FGD4: variants seen among roughly 807,000 people sequenced by gnomAD.
The protein encoded by FGD4 is FYVE, RhoGEF and PH domain containing 4.
In FGD4, 42 loss-of-function variants were observed where a neutral mutation model predicts 102.0. The observed-to-expected ratio is 0.41, with a 90% CI of 0.32 to 0.53. FGD4 has a LOEUF of 0.53. FGD4 is among the 20% of genes least tolerant of loss of function. FGD4 has a pLI of 0.21. For synonymous variants in FGD4, 380 were observed against 375.7 expected (o/e 1.01, Z -0.13); for missense variants, 902 against 1,078.2 (o/e 0.84, Z 2.29).
At chr12:32,474,132 GC>G (rs1490014724) in intron 1 of FGD4, among the ~76,000 whole-genome samples, 1 of 151,878 alleles carries the variant, frequency 6.6e-6, no homozygotes. Context: ...AGAAATCAGA[GC>G]CCTGACACAC....
At chr12:32,547,325 A>G (rs1231955524) in intron 1 of FGD4, among the ~76,000 whole-genome samples, 2 of 152,062 alleles carry the variant, frequency 1.3e-5, no homozygotes, top group East Asian at 3.9e-4. Context: ...CTGTAGTCCC[A>G]CCTCCTTGGG....
chr12:32,615,964 C>G (rs545764669), intron 10 of FGD4, among the ~76,000 whole-genome samples: 1 of 152,072 alleles, frequency 6.6e-6, no homozygotes, highest in Non-Finnish European at 1.5e-5. Context: ...GTTACTCTCT[C>G]TAGGAATCGG....
At chr12:32,448,116 T>C (rs1942673409) in intron 1 of FGD4, among the ~76,000 whole-genome samples, 1 of 152,226 alleles carries the variant, frequency 6.6e-6, no homozygotes, top group Non-Finnish European at 1.5e-5. Context: ...ATGTTAACCA[T>C]GGCCTCTTGG....
At chr12:32,440,219 G>C (rs1285693959) in intron 1 of FGD4, among the ~76,000 whole-genome samples, 1 of 152,206 alleles carries the variant, frequency 6.6e-6, no homozygotes, top group Non-Finnish European at 1.5e-5. Context: ...ATGTTCTTCA[G>C]TATCTGGGCA....
chr12:32,612,499 A>G (rs2136785641), intron 10 of FGD4, among the ~76,000 whole-genome samples: 1 of 152,350 alleles, frequency 6.6e-6, no homozygotes, highest in East Asian at 1.9e-4. Context: ...CAACACCCCA[A>G]GGATCCTTTG....
intron 1 of FGD4, among the ~76,000 whole-genome samples, chr12:32,563,855 A>G (rs11052076): frequency 0.12 from 18,137 of 151,974 alleles, 1,192 homozygotes; most frequent in Middle Eastern, 0.19. Flanking sequence ...ACGAAAACCA[A>G]TCAGGCATGG....
intron 10 of FGD4, among the ~76,000 whole-genome samples, chr12:32,617,017 T>C (rs1160191271): frequency 1.3e-5 from 2 of 152,156 alleles, no homozygotes; most frequent in Non-Finnish European, 2.9e-5. Flanking sequence ...ATCCACCTCA[T>C]GGCCTCAAGC....
intron 1 of FGD4, among the ~76,000 whole-genome samples, chr12:32,545,159 G>A (rs1389617439): frequency 6.6e-6 from 1 of 152,188 alleles, no homozygotes; most frequent in East Asian, 1.9e-4. Flanking sequence ...AAATAGGAAA[G>A]CAACTGACAC....
chr12:32,578,062 G>A (rs1247956827), intron 3 of FGD4, among the ~76,000 whole-genome samples: 1 of 152,084 alleles, frequency 6.6e-6, no homozygotes, highest in Non-Finnish European at 1.5e-5. Context: ...AATCATTCAA[G>A]CTTCATAAAT....
chr12:32,560,563 TTAA>T (rs1441565362), intron 1 of FGD4, among the ~76,000 whole-genome samples: 5 of 152,226 alleles, frequency 3.3e-5, no homozygotes, highest in African/African-American at 1.2e-4. Flanking sequence ...TTTTATAATT[TTAA>T]TAATAATCTG....
chr12:32,637,048 CT>C (rs920177828), intron 15 of FGD4, among the ~76,000 whole-genome samples: 68 of 86,372 alleles, frequency 7.9e-4, no homozygotes, highest in East Asian at 5.6e-3. Flanking sequence ...TTTTTTTCTT[CT>C]TTTTTTTTTT....
In FGD4 at chr12:32,526,710, C is replaced by T. The variant is rs1321495496; in HGVS notation, c.167-37427C>T. ...TCTTGCTGCTGCTCACTCTTTGGGT[C>T]CATGCTGCTTTTATGAGCTGTAACA... On this transcript the variant is annotated intron_variant, in intron 1 of 16. Transcript: ENST00000534526. Among the ~76,000 whole-genome samples, 4 of 152,300 alleles carry T rather than the reference C, an allele frequency of 2.6e-5. No homozygotes were observed. In the South Asian group the frequency reaches 8.3e-4, roughly 32 times the overall value.
At chr12:32,522,245 CATT>C (rs1418046455) in intron 1 of FGD4, among the ~76,000 whole-genome samples, 2 of 151,510 alleles carry the variant, frequency 1.3e-5, no homozygotes, top group Admixed American at 6.6e-5. Flanking sequence ...GTAAGATTAT[CATT>C]ATCTGTTGTG....
chr12:32,625,538 G>A, intron 13 of FGD4, 116 bp from the exon 14 acceptor site: 1 of 1,337,546 alleles, frequency 7.5e-7, no homozygotes, highest in African/African-American at 1.5e-5. Flanking sequence ...CGAAAGTGCT[G>A]GGATTATAGT....
chr12:32,412,654 GCT>G (rs1435069520), intron 1 of FGD4, among the ~76,000 whole-genome samples: 1 of 152,082 alleles, frequency 6.6e-6, no homozygotes, highest in Non-Finnish European at 1.5e-5. Context: ...CCATCGCCAG[GCT>G]GGAGTGCATT....
chr12:32,453,235 A>ATTT lies in FGD4; in HGVS notation c.166+53277_166+53278insTTT, dbSNP rs1206930943. On this transcript the variant is annotated intron_variant, in intron 1 of 16. Transcript: ENST00000534526. The stretch of plus-strand genomic sequence containing the variant: ...ATATATATATAATATAGATATATAT[A>ATTT]TATTTTTTTTTTTTTAAATGTAGAG... Among the ~76,000 whole-genome samples the ATTT allele has an allele frequency of 1.4e-3, 70 of 49,772 alleles. 1 individual carries two copies. Among genetic ancestry groups the ATTT allele is most frequent in the Admixed American group, 2.1e-3 (10 of 4,694 alleles). 32.7% of individuals were successfully genotyped at this position (49,772 alleles called of 152,430 possible). A position where few individuals can be genotyped will look rare whatever the true frequency, so the allele number is the denominator to read the frequency against.
intron 1 of FGD4, among the ~76,000 whole-genome samples, chr12:32,562,406 TTTAAC>T (rs1387214405): frequency 6.6e-6 from 1 of 152,074 alleles, no homozygotes; most frequent in East Asian, 1.9e-4. Flanking sequence ...TCAGGGGAAA[TTTAAC>T]TTATTTTATT....
intron 1 of FGD4, among the ~76,000 whole-genome samples, chr12:32,517,226 A>C (rs1939982429): frequency 6.6e-6 from 1 of 152,198 alleles, no homozygotes; most frequent in Non-Finnish European, 1.5e-5. Flanking sequence ...CTCTTTGATT[A>C]GGATAGCTTG....
chr12:32,494,616 T>G lies in FGD4; in HGVS notation c.167-69521T>G, dbSNP rs776253093. Among the ~76,000 whole-genome samples the G allele has an allele frequency of 1.1e-3, 174 of 152,258 alleles. 2 individuals are homozygous for G. Among genetic ancestry groups the G allele is most frequent in the Middle Eastern group, 3.4e-3 (1 of 294 alleles). Reference sequence around the variant, plus strand: ...ACATTTATTGATCTTACCTGATTGATTGGATGTGATGGAGGAGACAGCAGG... The same window carrying G: ...ACATTTATTGATCTTACCTGATTGAGTGGATGTGATGGAGGAGACAGCAGG... On this transcript the variant is annotated intron_variant, in intron 1 of 16. Transcript: ENST00000534526.
Sources: allele counts gnomAD v4.1 joint callset (sites outside exome capture counted in the v4.1 genomes callset), GRCh38; gene constraint gnomAD v4.1.1; transcripts MANE v1.5; gene names NCBI Gene and HGNC (gene_info 2026-07-23, HGNC 2026-07-21).